The following CREB5 variants were observed in gnomAD, a reference collection of about 807,000 sequenced individuals.
CREB5 encodes cyclic AMP-responsive element-binding protein 5.
Under a neutral mutation model 57.1 loss-of-function variants are expected in CREB5, and 19 were observed. The observed-to-expected ratio is 0.33, with a 90% confidence interval of 0.23 to 0.49. The LOEUF is 0.49. Ranked by LOEUF, CREB5 falls within the 20% of genes least tolerant of loss-of-function variation. The pLI is 0.99. For missense variants in CREB5, 579 were observed against 671.6 expected (o/e 0.86, Z 1.52); for synonymous variants, 238 against 238.3 (o/e 1.00, Z 0.01).
chr7:28,317,464 C>T (rs1785404753), intron 1 of CREB5, among the ~76,000 whole-genome samples: 2 of 152,190 alleles, frequency 1.3e-5, no homozygotes, highest in Admixed American at 6.5e-5. Context: ...CCTTGACTTC[C>T]TCATCTCTGA....
chr7:28,685,817 T>C (rs546511629), intron 5 of CREB5, among the ~76,000 whole-genome samples: 1 of 152,218 alleles, frequency 6.6e-6, no homozygotes, highest in East Asian at 1.9e-4. Context: ...TGTTTACCCG[T>C]TTCTAAGGGC....
intron 5 of CREB5, among the ~76,000 whole-genome samples, chr7:28,658,825 C>G (rs985078233): frequency 6.6e-6 from 1 of 151,068 alleles, no homozygotes; most frequent in Non-Finnish European, 1.5e-5. Context: ...TAGCAGCCTC[C>G]TGTTGTAGGG....
chr7:28,467,772 C>T (rs142956563), intron 1 of CREB5, among the ~76,000 whole-genome samples: 2,396 of 152,160 alleles, frequency 0.016, 54 homozygotes, highest in African/African-American at 0.053. Flanking sequence ...GGACAGCATC[C>T]CTGGAAAGAG....
chr7:28,788,163 C>T (rs980018764), intron 7 of CREB5, among the ~76,000 whole-genome samples: 1 of 152,092 alleles, frequency 6.6e-6, no homozygotes, highest in East Asian at 1.9e-4. Flanking sequence ...TGCTGTGGGG[C>T]GAGGGGGCTG....
At chr7:28,662,640 A>G (rs1380578696) in intron 5 of CREB5, among the ~76,000 whole-genome samples, 1 of 152,090 alleles carries the variant, frequency 6.6e-6, no homozygotes, top group East Asian at 1.9e-4. Flanking sequence ...AGCTCCCCCC[A>G]ACACACAGCC....
At chr7:28,354,266 A>G (rs929782547) in intron 1 of CREB5, among the ~76,000 whole-genome samples, 9 of 152,156 alleles carry the variant, frequency 5.9e-5, no homozygotes, top group African/African-American at 1.7e-4. Context: ...ACATTGAGTC[A>G]GTGGGCTGGG....
chr7:28,815,888 G>C (rs766968926), intron 9 of CREB5, among the ~76,000 whole-genome samples: 1 of 152,144 alleles, frequency 6.6e-6, no homozygotes, highest in Non-Finnish European at 1.5e-5. Flanking sequence ...GGATTCACTA[G>C]AAATTAGAAC....
chr7:28,498,615 C>T (rs1792150314), intron 3 of CREB5, among the ~76,000 whole-genome samples: 1 of 152,030 alleles, frequency 6.6e-6, no homozygotes, highest in South Asian at 2.1e-4. Context: ...TTTGACATGC[C>T]ACCAGGTAGG....
chr7:28,682,765 A>G (rs1800668400), intron 5 of CREB5, among the ~76,000 whole-genome samples: 1 of 151,170 alleles, frequency 6.6e-6, no homozygotes, highest in Non-Finnish European at 1.5e-5. Context: ...AACGTGTTTG[A>G]GCTCAGAAAT....
At chr7:28,622,885 A>C (rs549810242) in intron 5 of CREB5, among the ~76,000 whole-genome samples, 1 of 152,254 alleles carries the variant, frequency 6.6e-6, no homozygotes, top group South Asian at 2.1e-4. Flanking sequence ...AATTTTAAAA[A>C]TACTCCCACC....
At chr7:28,536,513 A>G (rs1372753150) in intron 4 of CREB5, among the ~76,000 whole-genome samples, 1 of 152,138 alleles carries the variant, frequency 6.6e-6, no homozygotes, top group Non-Finnish European at 1.5e-5. Flanking sequence ...ACTTCCTTGC[A>G]TTAGGGTTTG....
chr7:28,575,940 A>C (rs1332367846), intron 5 of CREB5, among the ~76,000 whole-genome samples: 4 of 152,218 alleles, frequency 2.6e-5, no homozygotes, highest in Non-Finnish European at 5.9e-5. Flanking sequence ...CTGATACTTG[A>C]GGAAATATAA....
At chr7:28,681,594 T>C (rs1800597303) in intron 5 of CREB5, among the ~76,000 whole-genome samples, 2 of 152,166 alleles carry the variant, frequency 1.3e-5, no homozygotes, top group South Asian at 2.1e-4. Flanking sequence ...GAAATGAAGA[T>C]GTATAGCACA....
rs930482227 is a variant in CREB5, at chr7:28,435,270, C to T, written c.3+22353C>T. Among the ~76,000 whole-genome samples, 6 of 151,718 alleles carry T rather than the reference C, an allele frequency of 4.0e-5. 1 individual carries two copies. Among genetic ancestry groups the T allele is most frequent in the Non-Finnish European group, 7.4e-5 (5 of 67,944 alleles). ...GGAACTCCCTAGGAGGGGGGTGGATCGTTAAAAGCCTTGTGTGGGCTTGTG... is the reference window on the plus strand; with the variant it reads ...GGAACTCCCTAGGAGGGGGGTGGATTGTTAAAAGCCTTGTGTGGGCTTGTG... On this transcript the variant is annotated intron_variant, in intron 1 of 10. Coordinates refer to ENST00000357727, the MANE Select transcript of CREB5 (RefSeq NM_182898.4).
intron 4 of CREB5, among the ~76,000 whole-genome samples, chr7:28,524,643 T>C (rs1793361790): frequency 6.6e-6 from 1 of 152,222 alleles, no homozygotes; most frequent in Non-Finnish European, 1.5e-5. Context: ...TAATTAGAAA[T>C]GCTTCTATTC....
At chr7:28,683,109 C>T (rs1003671296) in intron 5 of CREB5, among the ~76,000 whole-genome samples, 7 of 152,296 alleles carry the variant, frequency 4.6e-5, no homozygotes, top group East Asian at 1.9e-4. Context: ...TCTAAGAAGC[C>T]TCCCTCTGGA....
rs543608200 is a variant in CREB5 at position 28,397,489 on chromosome 7, G to A, written c.-24-97417G>A. On this transcript the variant is annotated intron_variant, in intron 1 of 9. Transcript: ENST00000396299. ...TCCCTCCAGATTGTGGGGGTATTGA[G>A]AATTTGCATCTAGGAGACTCAAGCA... Among the ~76,000 whole-genome samples, 11 of 152,298 alleles carry A rather than the reference G, an allele frequency of 7.2e-5. No homozygotes were observed. In the East Asian group the frequency reaches 2.1e-3, roughly 29 times the overall value.
At chr7:28,409,937 C>A (rs964878624), upstream of CREB5, 1 of 453,354 alleles carries the variant, frequency 2.2e-6, no homozygotes, top group East Asian at 7.1e-5. The surrounding 1 kb of genome is among the most constrained non-coding windows in gnomAD (Gnocchi z 4.4). Context: ...TGCGGTCAAG[C>A]GGCAGCGGAG....
chr7:28,438,205 G>A (rs1789036506), intron 1 of CREB5, among the ~76,000 whole-genome samples: 1 of 152,110 alleles, frequency 6.6e-6, no homozygotes, highest in East Asian at 1.9e-4. Context: ...CATTTCTCTA[G>A]AGCTAGAGTT....
Sources: gnomAD v4.1 joint callset for allele counts (sites outside exome capture counted in the v4.1 genomes callset) on GRCh38, gnomAD v4.1.1 for gene constraint, Gnocchi (gnomAD v3.1) non-coding constraint, MANE v1.5 for transcripts, NCBI Gene and HGNC (gene_info 2026-07-23, HGNC 2026-07-21) for gene names.